Variants in NBPF12 observed in about 807,000 individuals in gnomAD.
The protein encoded by NBPF12 is NBPF family member NBPF12.
Under a neutral mutation model 146.4 loss-of-function variants are expected in NBPF12, and 115 were observed. That is an observed-to-expected ratio of 0.79 (90% CI 0.68 to 0.92). NBPF12 has a LOEUF of 0.92. Ranked by LOEUF, NBPF12 falls within the 40% of genes least tolerant of loss-of-function variation. NBPF12 has a pLI of 0.00. For synonymous variants in NBPF12, 385 were observed against 508.9 expected (o/e 0.76, Z 3.28); for missense variants, 1,205 against 1,326.8 (o/e 0.91, Z 1.43).
chr1:146,974,020 G>C (rs1328644188), intron 14 of NBPF12, among the ~76,000 whole-genome samples: 1 of 150,890 alleles, frequency 6.6e-6, no homozygotes, highest in African/African-American at 2.5e-5. Flanking sequence ...CCTGTTCAGA[G>C]GGTACTACAA....
intron 1 of NBPF12, among the ~76,000 whole-genome samples, chr1:146,939,328 G>A (rs1365891753): frequency 6.6e-6 from 1 of 152,030 alleles, no homozygotes; most frequent in Non-Finnish European, 1.5e-5. Flanking sequence ...CCTCGAGGCC[G>A]TTCCTTCTGG....
chr1:146,972,878 G>C lies in NBPF12; in HGVS notation c.1719G>C (p.Lys573Asn), dbSNP rs1553886806. 192 of 1,140,740 alleles carry C rather than the reference G, an allele frequency of 1.7e-4. 4 individuals are homozygous for C. Among genetic ancestry groups the C allele is most frequent in the Non-Finnish European group, 3.7e-5 (28 of 750,118 alleles). 70.7% of individuals were successfully genotyped at this position (1,140,740 alleles called of 1,614,324 possible). A position where few individuals can be genotyped will look rare whatever the true frequency, so the allele number is the denominator to read the frequency against. ...AGTTGCGCCCCCAGCTGGCAGAGAA[G>C]AAACAGCAGTTCAGAAGCCTCAAAG... is the stretch of plus-strand genomic sequence containing the variant. Residue 573 changes from lysine to asparagine, a missense_variant, in exon 14 of 34, where the codon AAG (lysine) becomes AAC (asparagine). Coordinates refer to ENST00000617844, the Ensembl canonical transcript of NBPF12.
Position 146,961,963 on chromosome 1 carries a change from T to C in NBPF12, c.176-198T>C, listed in dbSNP as rs1282703569. ...CTTGATGTGCTCTTGAGTTTCTCTT[T>C]CTTCGTCTTTAAATTTTGGAGGATC... On this transcript the variant is annotated intron_variant, in intron 4 of 33. Transcript: ENST00000617844. Among the ~76,000 whole-genome samples, 6 of 152,210 alleles carry C rather than the reference T, an allele frequency of 3.9e-5. No homozygotes were observed. The East Asian group carries it at 1.2e-3, about 29-fold the overall frequency.
exon 6 of NBPF12, chr1:146,963,168 G>A: frequency 6.2e-7 from 1 of 1,605,866 alleles, no homozygotes; most frequent in South Asian, 1.1e-5. Context: ...GGAAGGGAGA[G>A]ATGCCTCCCG....
At position 146,968,642 on chromosome 1, in the gene NBPF12, G is replaced by A. The variant is rs1656360638; in HGVS notation, c.1091+92G>A. 3 of 1,182,980 alleles carry A rather than the reference G, an allele frequency of 2.5e-6. No homozygotes were observed. The Admixed American group carries it at 5.2e-5, about 20-fold the overall frequency. The allele number at this position is 1,182,980 out of a possible 1,614,324, so 73.3% of individuals were successfully genotyped here. On this transcript the variant is annotated intron_variant, in intron 10 of 33. Coordinates refer to ENST00000617844, the Ensembl canonical transcript of NBPF12. ...TGGGGAGACTTAAGAGCTAAGCTGG[G>A]CCAGGGGAAGGGCAGGAATTGCCAT...
At chr1:146,975,290 A>G (rs1489610103) in intron 15 of NBPF12, among the ~76,000 whole-genome samples, 2 of 127,664 alleles carry the variant, frequency 1.6e-5, no homozygotes, top group African/African-American at 6.4e-5. Flanking sequence ...CCCTATCTGC[A>G]TCTGGCCTCA....
intron 2 of NBPF12, among the ~76,000 whole-genome samples, chr1:146,955,013 T>TATACACAC (rs1411814328): frequency 1.5e-5 from 1 of 67,502 alleles, no homozygotes; most frequent in East Asian, 4.7e-4. Context: ...TATATATATA[T>TATACACAC]ACACACACAC....
chr1:146,963,061 T>G, intron 5 of NBPF12, 34 bp from the exon 9 acceptor site: 1 of 1,609,220 alleles, frequency 6.2e-7, no homozygotes, highest in Non-Finnish European at 8.5e-7. Flanking sequence ...TCAACGCTTT[T>G]CACTGTTAAA....
At chr1:146,975,575 G>A (rs1478580068) in intron 15 of NBPF12, 102 bp from the exon 19 acceptor site, 13 of 600,548 alleles carry the variant, frequency 2.2e-5, no homozygotes, top group Non-Finnish European at 3.2e-5. Context: ...CTTCTGCTTG[G>A]AGGTCTCCTT....
At chr1:146,950,015 C>T (rs1655259673) in intron 1 of NBPF12, among the ~76,000 whole-genome samples, 4 of 151,984 alleles carry the variant, frequency 2.6e-5, no homozygotes. Context: ...TGGCATATAA[C>T]AACATAGTCA....
intron 8 of NBPF12, among the ~76,000 whole-genome samples, chr1:146,965,626 CAAA>C (rs1271486549): frequency 2.0e-4 from 23 of 117,946 alleles, no homozygotes; most frequent in African/African-American, 2.3e-4. Context: ...ACTAAAAATA[CAAA>C]AAAAAAAAAA....
In NBPF12 at chr1:146,980,414, G is replaced by T. The variant is rs1415293001; in HGVS notation, c.2450+1404G>T. On this transcript the variant is annotated intron_variant, in intron 19 of 33. Transcript: ENST00000617844. ...GATGCAGTTTCTTCCTAGCTTCAAT[G>T]GTCTTTAGAGTTTGGCATGTTTTTG... Among the ~76,000 whole-genome samples, 24 of 152,132 alleles carry T rather than the reference G, an allele frequency of 1.6e-4. No homozygotes were observed. In the East Asian group the frequency reaches 4.6e-3, roughly 29 times the overall value.
At chr1:146,984,886 CCTT>C (rs1657655185) in exon 22 of NBPF12, 2 of 1,589,952 alleles carry the variant, frequency 1.3e-6, no homozygotes, top group Non-Finnish European at 1.7e-6. Flanking sequence ...TTATTCAACT[CCTT>C]CAGTTTATCT....
chr1:146,992,510 G>A (rs1386498861), intron 31 of NBPF12, among the ~76,000 whole-genome samples: 1 of 122,544 alleles, frequency 8.2e-6, no homozygotes, highest in African/African-American at 3.1e-5. Context: ...GTGTGTGTGT[G>A]TGTCTATCTG....
upstream of NBPF12, among the ~76,000 whole-genome samples, chr1:146,944,335 GA>G: frequency 7.0e-6 from 1 of 143,688 alleles, no homozygotes; most frequent in East Asian, 2.1e-4. Flanking sequence ...GGGGGAGAAA[GA>G]AAGGGGCATG....
chr1:146,967,508 A>G (rs1268307909), intron 9 of NBPF12, among the ~76,000 whole-genome samples: 5 of 149,782 alleles, frequency 3.3e-5, no homozygotes, highest in Non-Finnish European at 7.4e-5. Flanking sequence ...AAAAAAAATA[A>G]TAATGATAAA....
chr1:146,969,170 T>C (rs1656413247), intron 10 of NBPF12, among the ~76,000 whole-genome samples: 1 of 151,346 alleles, frequency 6.6e-6, no homozygotes, highest in Non-Finnish European at 1.5e-5. Flanking sequence ...TGGAACATCA[T>C]CGAGGATCTT....
exon 28 of NBPF12, chr1:146,989,645 C>G (rs1658023879): frequency 1.9e-6 from 3 of 1,610,236 alleles, no homozygotes; most frequent in South Asian, 2.2e-5. Context: ...TGGTATTCGA[C>G]TCCTTCAGTT....
chr1:146,984,964 G>C, exon 22 of NBPF12: 1 of 1,389,674 alleles, frequency 7.2e-7, no homozygotes, highest in Non-Finnish European at 1.0e-6. Context: ...ACAGCGTGTT[G>C]GCTTGGCTGT....
Sources: allele counts gnomAD v4.1 joint callset (sites outside exome capture counted in the v4.1 genomes callset), GRCh38; gene constraint gnomAD v4.1.1; transcripts MANE v1.5; gene names NCBI Gene and HGNC (gene_info 2026-07-23, HGNC 2026-07-21).